The following FRMD6 variants were observed in gnomAD, a reference collection of about 807,000 sequenced individuals.
FRMD6 encodes FERM domain containing 6, also known as FERM domain-containing protein 6.
Under a neutral mutation model 73.2 loss-of-function variants are expected in FRMD6, and 37 were observed. That is an observed-to-expected ratio of 0.51 (90% CI 0.39 to 0.66). The LOEUF (loss-of-function observed/expected upper bound fraction) is 0.66. Ranked by LOEUF, FRMD6 falls within the 30% of genes least tolerant of loss-of-function variation. FRMD6 has a pLI of 0.00. For missense variants in FRMD6, 714 were observed against 780.5 expected, an observed-to-expected ratio of 0.91 and a Z score of 1.02; for synonymous variants, 273 against 282.2, an observed-to-expected ratio of 0.97 and a Z score of 0.33.
chr14:51,414,942 GCT>G, the FRMD6 span, among the ~76,000 whole-genome samples: 2 of 151,976 alleles, frequency 1.3e-5, no homozygotes, highest in Non-Finnish European at 2.9e-5. Flanking sequence ...TCATGATTTG[GCT>G]CTCTGTTTGT....
intron 2 of FRMD6, chr14:51,692,878 C>G (rs8017065): frequency 0.29 from 44,312 of 151,952 alleles, 6,886 homozygotes; most frequent in African/African-American, 0.4. Flanking sequence ...AGGATGCAAG[C>G]ATCTGCCCTA....
chr14:51,413,227 G>A, the FRMD6 span, among the ~76,000 whole-genome samples: 1 of 152,076 alleles, frequency 6.6e-6, no homozygotes, highest in Non-Finnish European at 1.5e-5. Context: ...TGTTACATAG[G>A]TATGCATGTG....
intron 1 of FRMD6, among the ~76,000 whole-genome samples, chr14:51,674,191 A>T (rs1164845442): frequency 6.6e-6 from 1 of 152,102 alleles, no homozygotes; most frequent in East Asian, 1.9e-4. Context: ...AAAGAATCCA[A>T]CTTTTCCTAG....
chr14:51,505,755 T>C (rs767162853), intron 1 of FRMD6, among the ~76,000 whole-genome samples: 2 of 152,192 alleles, frequency 1.3e-5, no homozygotes, highest in Non-Finnish European at 2.9e-5. Flanking sequence ...CCAAGCCTTT[T>C]TGAATGTCCC....
At chr14:51,706,312 C>T (rs1896621020) in intron 6 of FRMD6, among the ~76,000 whole-genome samples, 1 of 152,110 alleles carries the variant, frequency 6.6e-6, no homozygotes, top group Non-Finnish European at 1.5e-5. Flanking sequence ...GTGTTCTCAG[C>T]AGCACTGTTG....
intron 2 of FRMD6, among the ~76,000 whole-genome samples, chr14:51,589,905 T>C (rs1444968183): frequency 6.6e-6 from 1 of 152,084 alleles, no homozygotes; most frequent in Non-Finnish European, 1.5e-5. Flanking sequence ...CCCGTCCTAC[T>C]AAAAATACAA....
chr14:51,707,490 T>C (rs952906840), intron 6 of FRMD6, among the ~76,000 whole-genome samples: 1 of 152,150 alleles, frequency 6.6e-6, no homozygotes, highest in Admixed American at 6.6e-5. Flanking sequence ...CTGATGAAAA[T>C]CTAAGTCACA....
intron 2 of FRMD6, chr14:51,637,503 A>T (rs535853084): frequency 6.0e-5 from 6 of 99,744 alleles, no homozygotes; most frequent in Non-Finnish European, 1.2e-4. Context: ...ACACACACAT[A>T]TATTTGGAAG....
chr14:51,621,025 G>A (rs749018160), intron 2 of FRMD6, among the ~76,000 whole-genome samples: 2 of 152,154 alleles, frequency 1.3e-5, no homozygotes, highest in South Asian at 4.1e-4. Context: ...GCTGCAGTGG[G>A]GCTTTCACAT....
chr14:51,697,004 CA>C (rs1200343807), intron 2 of FRMD6, among the ~76,000 whole-genome samples: 1 of 152,074 alleles, frequency 6.6e-6, no homozygotes, highest in African/African-American at 2.4e-5. Context: ...ATCAAAAAGA[CA>C]AAAGATAACA....
At chr14:51,656,242 G>C (rs1265496879) in intron 1 of FRMD6, among the ~76,000 whole-genome samples, 1 of 152,162 alleles carries the variant, frequency 6.6e-6, no homozygotes, top group East Asian at 1.9e-4. Context: ...ATGAATTACA[G>C]AACACTGAGA....
At chr14:51,404,466 TC>T in the FRMD6 span, among the ~76,000 whole-genome samples, 1 of 152,160 alleles carries the variant, frequency 6.6e-6, no homozygotes, top group Admixed American at 6.5e-5. Context: ...TAAAATGTTT[TC>T]CTATGTAACA....
upstream of FRMD6, chr14:51,650,863 T>C (rs371989509): frequency 3.9e-5 from 6 of 152,266 alleles, no homozygotes; most frequent in East Asian, 1.9e-4. Context: ...CCAGGGGTCA[T>C]TGGGTCAGCA....
chr14:51,613,589 C>T (rs529709457), intron 2 of FRMD6, among the ~76,000 whole-genome samples: 2 of 152,216 alleles, frequency 1.3e-5, no homozygotes, highest in African/African-American at 4.8e-5. Context: ...GTTTCCAAGG[C>T]AGCGCAACTC....
chr14:51,655,197 A>ATT (rs1159529753), intron 1 of FRMD6, among the ~76,000 whole-genome samples: 1 of 152,228 alleles, frequency 6.6e-6, no homozygotes, highest in Non-Finnish European at 1.5e-5. Flanking sequence ...AACACAGTTT[A>ATT]TTAAAAAGTC....
Sources: gnomAD v4.1 joint callset for allele counts (sites outside exome capture counted in the v4.1 genomes callset) on GRCh38, gnomAD v4.1.1 for gene constraint, MANE v1.5 for transcripts, NCBI Gene and HGNC (gene_info 2026-07-23, HGNC 2026-07-21) for gene names.